GPR176: variants seen among roughly 807,000 people sequenced by gnomAD.
GPR176 encodes the protein G-protein coupled receptor 176.
GPR176 carries 26 observed loss-of-function variants against 35.4 expected under a neutral mutation model. The observed-to-expected ratio is 0.74, with a 90% CI of 0.54 to 1.02. The LOEUF (loss-of-function observed/expected upper bound fraction) is 1.02, where lower values mean the gene tolerates loss of function less well. Among genes scored for constraint, GPR176 ranks in the 50% least tolerant of loss-of-function variants. The probability of loss-of-function intolerance (pLI) is 0.00; values close to 1 mark genes in which losing one functional copy is unlikely to be tolerated. For synonymous variants in GPR176, 278 were observed against 271.3 expected (o/e 1.02, Z -0.24); for missense variants, 597 against 665.3 (o/e 0.90, Z 1.13).
chr15:39,852,851 C>G (rs1464812267), intron 1 of GPR176, among the ~76,000 whole-genome samples: 3 of 152,050 alleles, frequency 2.0e-5, no homozygotes, highest in Non-Finnish European at 4.4e-5. Flanking sequence ...AATAGGCACT[C>G]AAAAAGTTCT....
At chr15:39,866,470 C>T (rs1409363509) in intron 1 of GPR176, among the ~76,000 whole-genome samples, 2 of 152,104 alleles carry the variant, frequency 1.3e-5, no homozygotes, top group Non-Finnish European at 2.9e-5. Flanking sequence ...CTTTTGAACA[C>T]CGTACATCCT....
chr15:39,850,802 A>G (rs2140807906), intron 1 of GPR176, among the ~76,000 whole-genome samples: 1 of 152,278 alleles, frequency 6.6e-6, no homozygotes, highest in East Asian at 1.9e-4. Context: ...TAAAATGTTT[A>G]ATTTAAAAAT....
chr15:39,834,351 CAG>C (rs1457286756), intron 1 of GPR176, among the ~76,000 whole-genome samples: 1 of 152,098 alleles, frequency 6.6e-6, no homozygotes, highest in Non-Finnish European at 1.5e-5. Context: ...TTTCCATTTT[CAG>C]AGAGTTGGAA....
chr15:39,824,780 A>G (rs1223162999), intron 1 of GPR176, among the ~76,000 whole-genome samples: 1 of 152,220 alleles, frequency 6.6e-6, no homozygotes, highest in Non-Finnish European at 1.5e-5. Flanking sequence ...TTTGAGGGGA[A>G]CCCAGAAACA....
At chr15:39,837,185 G>T (rs995762453) in intron 1 of GPR176, among the ~76,000 whole-genome samples, 3 of 152,202 alleles carry the variant, frequency 2.0e-5, no homozygotes, top group African/African-American at 7.2e-5. Flanking sequence ...TTAAAGACCA[G>T]AACTCATCTT....
intron 1 of GPR176, among the ~76,000 whole-genome samples, chr15:39,878,957 G>A (rs1042124856): frequency 6.6e-6 from 1 of 152,234 alleles, no homozygotes; most frequent in Non-Finnish European, 1.5e-5. Context: ...CACAGATGAG[G>A]TAAGATGAGA....
At chr15:39,883,025 C>T (rs2032537385) in intron 1 of GPR176, among the ~76,000 whole-genome samples, 1 of 152,174 alleles carries the variant, frequency 6.6e-6, no homozygotes, top group African/African-American at 2.4e-5. Flanking sequence ...AAGTATAGAG[C>T]TTCTTTGAGA....
rs1449837605 is a variant in GPR176 at position 39,881,780 on chromosome 15, T to C, written c.172+38075A>G. On this transcript the variant is annotated intron_variant, in intron 1 of 2. Coordinates refer to ENST00000561100, the MANE Select transcript of GPR176 (RefSeq NM_007223.3). ...GTAATGAATATAGCAACAAAAATCCTAGACCTCACAATAATGTTTTAAATA... is the reference window on the plus strand; with the variant it reads ...GTAATGAATATAGCAACAAAAATCCCAGACCTCACAATAATGTTTTAAATA... 1.3e-5 allele frequency among the ~76,000 whole-genome samples: 2 copies of C among 152,360 alleles called. 1 individual carries two copies. The highest frequency in any genetic ancestry group is 2.9e-5 in the Non-Finnish European group (2 of 68,038).
At chr15:39,837,862 C>T (rs996907581) in intron 1 of GPR176, among the ~76,000 whole-genome samples, 5 of 151,826 alleles carry the variant, frequency 3.3e-5, no homozygotes, top group South Asian at 4.2e-4. Flanking sequence ...GATTAATATG[C>T]GCTTGTTCTG....
At chr15:39,811,784 T>C (rs1010108383) in intron 1 of GPR176, among the ~76,000 whole-genome samples, 5 of 152,082 alleles carry the variant, frequency 3.3e-5, no homozygotes, top group East Asian at 1.9e-4. Context: ...GGCGTAGTAG[T>C]GGGTGCCTGT....
At chr15:39,855,339 TC>T (rs1174223670) in intron 1 of GPR176, among the ~76,000 whole-genome samples, 2 of 152,200 alleles carry the variant, frequency 1.3e-5, no homozygotes, top group East Asian at 1.9e-4. Context: ...GTCTTGTGTG[TC>T]CCAACTATAG....
intron 1 of GPR176, among the ~76,000 whole-genome samples, chr15:39,913,810 G>A (rs1052362975): frequency 6.6e-6 from 1 of 152,184 alleles, no homozygotes; most frequent in African/African-American, 2.4e-5. Flanking sequence ...ACTTTGGGAG[G>A]CCAAGGCAGG....
chr15:39,807,450 CAT>C, intron 1 of GPR176, 192 bp from the exon 2 acceptor site: 1 of 851,746 alleles, frequency 1.2e-6, no homozygotes, highest in African/African-American at 1.7e-5. Context: ...TATTAAATCA[CAT>C]ATCAATAAGT....
intron 1 of GPR176, among the ~76,000 whole-genome samples, chr15:39,887,639 A>T (rs2032721543): frequency 1.3e-5 from 2 of 150,722 alleles, no homozygotes; most frequent in South Asian, 4.2e-4. Context: ...TTCTGCTTTT[A>T]CTTGTCTAAA....
chr15:39,864,223 A>C (rs1355716642), intron 1 of GPR176, among the ~76,000 whole-genome samples: 1 of 152,208 alleles, frequency 6.6e-6, no homozygotes, highest in Non-Finnish European at 1.5e-5. Flanking sequence ...GCTCAGATGA[A>C]CTAACAAATG....
At chr15:39,892,500 T>G (rs1389610874) in intron 1 of GPR176, among the ~76,000 whole-genome samples, 1 of 152,222 alleles carries the variant, frequency 6.6e-6, no homozygotes, top group Non-Finnish European at 1.5e-5. Flanking sequence ...TAACCCCTCC[T>G]CTACCTCACC....
At chr15:39,875,539 T>C (rs2032210227) in intron 1 of GPR176, among the ~76,000 whole-genome samples, 2 of 152,220 alleles carry the variant, frequency 1.3e-5, no homozygotes, top group African/African-American at 4.8e-5. Flanking sequence ...AGCTTTTCAA[T>C]GCTATCTATT....
At chr15:39,846,910 A>G (rs1212961908) in intron 1 of GPR176, among the ~76,000 whole-genome samples, 4 of 152,150 alleles carry the variant, frequency 2.6e-5, no homozygotes, top group Non-Finnish European at 2.9e-5. Flanking sequence ...CAAGTTTTCT[A>G]AATTATGTTT....
intron 1 of GPR176, among the ~76,000 whole-genome samples, chr15:39,856,946 T>G (rs539454629): frequency 1.3e-5 from 2 of 152,292 alleles, no homozygotes; most frequent in South Asian, 4.1e-4. Flanking sequence ...ATTTATTGGT[T>G]GAGTTTGGGG....
Sources: allele counts gnomAD v4.1 joint callset (sites outside exome capture counted in the v4.1 genomes callset), GRCh38; gene constraint gnomAD v4.1.1; transcripts MANE v1.5; gene names NCBI Gene and HGNC (gene_info 2026-07-23, HGNC 2026-07-21).